Variants in CAPN11 observed in about 807,000 individuals in gnomAD.
CAPN11 encodes calpain-11.
In CAPN11, 108 loss-of-function variants were observed where a neutral mutation model predicts 105.3. The ratio of observed to expected loss-of-function variants is 1.03; its 90% CI spans 0.88 to 1.20. The LOEUF is 1.20. CAPN11 is among the 50% of genes most tolerant of loss of function. The probability of loss-of-function intolerance (pLI) is 0.00; values close to 1 mark genes in which losing one functional copy is unlikely to be tolerated. For missense variants in CAPN11, 883 were observed against 924.8 expected (o/e 0.95, Z 0.59); for synonymous variants, 329 against 344.5 (o/e 0.96, Z 0.50).
At chr6:44,169,756 A>G in intron 3 of CAPN11, 150 bp from the exon 4 acceptor site, 1 of 759,602 alleles carries the variant, frequency 1.3e-6, no homozygotes, top group South Asian at 1.8e-5. Flanking sequence ...CACAAGCTGC[A>G]GCTATGCCAA....
In CAPN11 at chr6:44,180,997, T is replaced by G; in HGVS notation, c.1869T>G (p.Asp623Glu). The G allele has an allele frequency of 6.2e-7, 1 of 1,612,554 alleles. No individual in the cohort carries two copies. The highest frequency in any genetic ancestry group is 1.1e-5 in the South Asian group (1 of 91,068). The part of the protein sequence containing the change: ...DACRCMINLM[D>E]KDGSGKLGLL... ...GCCGCTGCATGATCAACCTCATGGATGTATCCTCCTGTCCAGTGCTCTCTT... is the reference window on the plus strand; with the variant it reads ...GCCGCTGCATGATCAACCTCATGGAGGTATCCTCCTGTCCAGTGCTCTCTT... The change falls in exon 18 of 23, where the codon GAT (aspartate) becomes GAG (glutamate). Residue 623 changes from aspartate to glutamate, a missense_variant and splice_region_variant. Transcript: ENST00000398776.
intron 7 of CAPN11, among the ~76,000 whole-genome samples, chr6:44,175,031 C>T (rs1000771561): frequency 4.6e-5 from 7 of 152,114 alleles, no homozygotes; most frequent in Non-Finnish European, 1.0e-4. Flanking sequence ...TATAAAAGGG[C>T]GACTCAAGGG....
At chr6:44,161,177 G>GTTTT (rs72414684) in intron 1 of CAPN11, among the ~76,000 whole-genome samples, 1 of 143,588 alleles carries the variant, frequency 7.0e-6, no homozygotes, top group South Asian at 2.2e-4. Context: ...TTTCTTTTGG[G>GTTTT]TTTTTTTTTT....
Position 44,183,133 on chromosome 6 carries a change from A to C in CAPN11, c.2032A>C (p.Asn678His). 1.9e-6 allele frequency: 3 copies of C among 1,613,236 alleles called. No individual in the cohort carries two copies. Among genetic ancestry groups the C allele is most frequent in the Non-Finnish European group, 2.5e-6 (3 of 1,179,322 alleles). ...VIEKAGIKLN[N>H]KVMQVLVARY... ...CCCTCTCTCAGGCATCAAGCTGAAC[A>C]ACAAGGTAATGCAGGTCCTGGTGGC... The change falls in exon 21 of 23, where the codon AAC becomes CAC. Residue 678 changes from asparagine (N) to histidine (H), a missense_variant. Coordinates refer to ENST00000398776, the MANE Select transcript of CAPN11 (RefSeq NM_007058.4).
intron 22 of CAPN11, 44 bp downstream of exon 22, chr6:44,183,807 C>T (rs1255177170): frequency 3.1e-6 from 5 of 1,601,720 alleles, no homozygotes; most frequent in African/African-American, 2.7e-5. Context: ...ATTGCACCTG[C>T]CTGCCCCTCA....
chr6:44,178,863 C>T (rs373386666), intron 12 of CAPN11, among the ~76,000 whole-genome samples: 3 of 151,782 alleles, frequency 2.0e-5, no homozygotes, highest in African/African-American at 4.8e-5. Flanking sequence ...GTCGAAGCTG[C>T]GGCAAGCCAT....
At chr6:44,158,962 C>T (rs1217664015) in intron 1 of CAPN11, 98 bp downstream of exon 1, 6 of 798,078 alleles carry the variant, frequency 7.5e-6, no homozygotes, top group Non-Finnish European at 8.8e-6. Context: ...CTGGGTGCCC[C>T]TTGAGGGTAC....
rs1772981565 is a variant in CAPN11 at position 44,180,639 on chromosome 6, T to G, written c.1723T>G (p.Leu575Val). 2.5e-6 allele frequency: 4 copies of G among 1,613,666 alleles called. No homozygotes were observed. The African/African-American group carries it at 5.3e-5, about 22-fold the overall frequency. The change falls in exon 16 of 23, where the codon TTG becomes GTG. Residue 575 changes from leucine (L) to valine (V), a missense_variant. Transcript: ENST00000398776. Reference sequence around the variant, plus strand: ...TGACATGGACCAGGACTTCCTACATTTGTTTAAGATAGTGGCAGGAGAGGT... The same window carrying G: ...TGACATGGACCAGGACTTCCTACATGTGTTTAAGATAGTGGCAGGAGAGGT... ...EDDMDQDFLH[L>V]FKIVAGEGKE... is the part of the protein sequence containing the mutation.
Position 44,184,393 on chromosome 6 carries a change from G to A in CAPN11, c.*461G>A, listed in dbSNP as rs1055886966. 1.2e-5 allele frequency: 2 copies of A among 173,892 alleles called. No homozygotes were observed. The highest frequency in any genetic ancestry group is 5.5e-5 in the Admixed American group (1 of 18,120). The allele number at this position is 173,892 out of a possible 1,614,324, so 10.8% of individuals were successfully genotyped here. A position where few individuals can be genotyped will look rare whatever the true frequency, so the allele number is the denominator to read the frequency against. ...GATACTATTCTAATAAATAGCACAT[G>A]CCATTGGCTTCCATGTCTCTGTGTT... On this transcript the variant is annotated 3_prime_UTR_variant, in exon 23 of 23. Coordinates refer to ENST00000398776, the MANE Select transcript of CAPN11 (RefSeq NM_007058.4).
intron 7 of CAPN11, among the ~76,000 whole-genome samples, chr6:44,174,803 A>T (rs1771678489): frequency 6.6e-6 from 1 of 152,042 alleles, no homozygotes; most frequent in Admixed American, 6.6e-5. Context: ...TATTTTTAGT[A>T]GAGACGGGGT....
In CAPN11 at chr6:44,177,276, T is replaced by C. The variant is rs767718788; in HGVS notation, c.1272T>C (p.Ser424=). The change falls in exon 12 of 23, where the codon TCT becomes TCC. Residue 424 remains serine (S), a synonymous_variant. Transcript: ENST00000398776. ...GGACCAACCCCCAGTTTAAGATCTC[T>C]CTTCCTGAGGGGGATGACCCAGAGG... The part of the protein sequence containing the change: ...TFWTNPQFKI[S]LPEGDDPEDD... 1 of 1,607,920 alleles carries C rather than the reference T, an allele frequency of 6.2e-7. No homozygotes were observed. The highest frequency in any genetic ancestry group is 1.3e-5 in the African/African-American group (1 of 74,812).
chr6:44,163,987 G>A (rs1287609340), intron 1 of CAPN11, among the ~76,000 whole-genome samples: 5 of 152,134 alleles, frequency 3.3e-5, no homozygotes, highest in Non-Finnish European at 5.9e-5. Context: ...ACAGGCACAT[G>A]CTACCATGCC....
chr6:44,158,973 A>C, intron 1 of CAPN11, 109 bp downstream of exon 1: 1 of 640,966 alleles, frequency 1.6e-6, no homozygotes, highest in Non-Finnish European at 2.3e-6. Context: ...TTGAGGGTAC[A>C]GAGAGTGACT....
Position 44,166,786 on chromosome 6 carries a change from C to A in CAPN11, c.45C>A (p.Ser15Arg). 6.4e-7 allele frequency: 1 copy of A among 1,552,118 alleles called. No homozygotes were observed. Among genetic ancestry groups the A allele is most frequent in the Non-Finnish European group, 8.7e-7 (1 of 1,146,972 alleles). Residue 15 changes from serine (S) to arginine (R), a missense_variant, in exon 2 of 23, where the codon AGC becomes AGA. Ser to Arg is a moderately radical substitution (Grantham distance 110). Transcript: ENST00000398776. ...CGAGTCTTCCGGAGTCAGCAGAGAG[C>A]CTGGATGGATCACAGGAGGATAAGC... ...PGPSLPESAE[S>R]LDGSQEDKPR...
At chr6:44,161,200 T>G (rs562876161) in intron 1 of CAPN11, among the ~76,000 whole-genome samples, 1 of 151,568 alleles carries the variant, frequency 6.6e-6, no homozygotes, top group Non-Finnish European at 1.5e-5. Flanking sequence ...TTGGTGTTTT[T>G]GTTTGTTTGT....
At position 44,184,052 on chromosome 6, in the gene CAPN11, C is replaced by T. The variant is rs1266043561; in HGVS notation, c.*120C>T. 4.4e-6 allele frequency: 5 copies of T among 1,148,782 alleles called. No homozygotes were observed. Among genetic ancestry groups the T allele is most frequent in the Non-Finnish European group, 6.2e-6 (5 of 800,120 alleles). The allele number at this position is 1,148,782 out of a possible 1,614,324, so 71.2% of individuals were successfully genotyped here. On this transcript the variant is annotated 3_prime_UTR_variant, in exon 23 of 23. Transcript: ENST00000398776. ...CGGTCTCTGCTGATGAAATGGGCTC[C>T]AGGTGGCAGTGCCCGGGTCCCAGGT...
chr6:44,182,283 C>G, intron 19 of CAPN11, among the ~76,000 whole-genome samples: 1 of 119,150 alleles, frequency 8.4e-6, no homozygotes, highest in African/African-American at 3.5e-5. Flanking sequence ...GACACAACCA[C>G]ACCACACACA....
At chr6:44,162,368 GACACACACACACACACACAC>G (rs57009949) in intron 1 of CAPN11, among the ~76,000 whole-genome samples, 20 of 138,752 alleles carry the variant, frequency 1.4e-4, no homozygotes, top group African/African-American at 3.8e-4. Flanking sequence ...TTTGAATAAA[GACACACACACACACACACAC>G]ACACACACAC....
intron 12 of CAPN11, among the ~76,000 whole-genome samples, chr6:44,179,055 A>G (rs1468895461): frequency 6.6e-6 from 1 of 152,134 alleles, no homozygotes; most frequent in African/African-American, 2.4e-5. Context: ...TTTAACTCAC[A>G]TTTTTACAAA....
Sources: gnomAD v4.1 joint callset for allele counts (sites outside exome capture counted in the v4.1 genomes callset) on GRCh38, gnomAD v4.1.1 for gene constraint, MANE v1.5 for transcripts, NCBI Gene and HGNC (gene_info 2026-07-23, HGNC 2026-07-21) for gene names.